The following WWTR1 variants were observed in gnomAD, a reference collection of about 807,000 sequenced individuals.
WWTR1 encodes WW domain-containing transcription regulator protein 1.
A neutral mutation model predicts 40.1 loss-of-function variants in WWTR1; 13 were observed. The ratio of observed to expected loss-of-function variants is 0.32; its 90% CI spans 0.21 to 0.52. The LOEUF (loss-of-function observed/expected upper bound fraction) is 0.52, where lower values mean the gene tolerates loss of function less well. Among genes scored for constraint, WWTR1 ranks in the 20% least tolerant of loss-of-function variants. The pLI is 0.97. For synonymous variants in WWTR1, 230 were observed against 210.1 expected (o/e 1.09, Z -0.82); for missense variants, 436 against 523.1 (o/e 0.83, Z 1.63).
intron 1 of WWTR1, among the ~76,000 whole-genome samples, chr3:149,683,109 C>T (rs1044243475): frequency 7.2e-5 from 11 of 152,194 alleles, no homozygotes; most frequent in Non-Finnish European, 1.0e-4. Context: ...GCAAAGAGTG[C>T]GACTGCCAAG....
chr3:149,634,716 T>A (rs1711724083), intron 2 of WWTR1, among the ~76,000 whole-genome samples: 1 of 152,186 alleles, frequency 6.6e-6, no homozygotes, highest in Admixed American at 6.5e-5. Context: ...CCTGTGGAGC[T>A]CCTGTTTGCA....
chr3:149,724,474 C>T (rs112005102), intron 3 of WWTR1, among the ~76,000 whole-genome samples: 5,120 of 147,874 alleles, frequency 0.035, 149 homozygotes, highest in African/African-American at 0.076. Context: ...ATTTTTATAC[C>T]GTCCACCCTA....
At chr3:149,621,446 G>A (rs1740265291) in intron 2 of WWTR1, among the ~76,000 whole-genome samples, 1 of 152,082 alleles carries the variant, frequency 6.6e-6, no homozygotes, top group African/African-American at 2.4e-5. Flanking sequence ...GGCCCCGAGA[G>A]CAAGAGACCG....
chr3:149,523,105 G>A (rs1735139576), intron 6 of WWTR1, among the ~76,000 whole-genome samples: 2 of 151,752 alleles, frequency 1.3e-5, no homozygotes, highest in South Asian at 2.1e-4. Flanking sequence ...TTTCTTCTCA[G>A]GATGGAAGGC....
intron 6 of WWTR1, among the ~76,000 whole-genome samples, chr3:149,522,153 A>G (rs1024160828): frequency 2.0e-5 from 3 of 152,242 alleles, no homozygotes; most frequent in African/African-American, 4.8e-5. Flanking sequence ...AACTAAGGCC[A>G]GCTTCCACCA....
chr3:149,723,185 CTTTTTTTTTT>C (rs35573546), intron 4 of WWTR1, among the ~76,000 whole-genome samples: 1 of 101,816 alleles, frequency 9.8e-6, no homozygotes, highest in South Asian at 3.2e-4. Flanking sequence ...CTTTTCTTTT[CTTTTTTTTTT>C]TTTTTTTTTT....
At chr3:149,708,371 A>C (rs1439654072) in intron 5 of WWTR1, among the ~76,000 whole-genome samples, 1 of 152,204 alleles carries the variant, frequency 6.6e-6, no homozygotes, top group Non-Finnish European at 1.5e-5. Context: ...TGTACAGTTC[A>C]GTAGTACTAA....
At chr3:149,536,568 T>C (rs1200200864) in intron 4 of WWTR1, among the ~76,000 whole-genome samples, 3 of 151,978 alleles carry the variant, frequency 2.0e-5, no homozygotes, top group Non-Finnish European at 4.4e-5. Context: ...AGGATGGCTG[T>C]GCGAGGTCAG....
At chr3:149,568,373 T>C (rs1485976437) in intron 3 of WWTR1, among the ~76,000 whole-genome samples, 1 of 151,590 alleles carries the variant, frequency 6.6e-6, no homozygotes, top group Non-Finnish European at 1.5e-5. Context: ...TCTTCTTCCA[T>C]TTATTGCATA....
intron 2 of WWTR1, 102 bp downstream of exon 2, chr3:149,656,754 ATCTCTCTCTTTCTCTCTCTC>A (rs763544341): frequency 3.6e-5 from 28 of 768,056 alleles, no homozygotes; most frequent in East Asian, 3.4e-4. Flanking sequence ...GACACGCACC[ATCTCTCTCTTTCTCTCTCTC>A]TCTCTCTCTC....
At chr3:149,553,594 G>A (rs530349768) in intron 3 of WWTR1, among the ~76,000 whole-genome samples, 2 of 152,204 alleles carry the variant, frequency 1.3e-5, no homozygotes, top group African/African-American at 2.4e-5. Flanking sequence ...GGGAAGGAGA[G>A]GTGCTGCCAT....
Position 149,572,924 on chromosome 3 carries a change from G to C in WWTR1, c.508C>G (p.Pro170Ala). ...GGCACTGGTGTGGAACTGACGGCAG[G>C]GTGGAGGTTCATATGATTCAGAGGC... is the stretch of plus-strand genomic sequence containing the variant. ...NQPLNHMNLH[P>A]AVSSTPVPQR... is the part of the protein sequence containing the mutation. The change falls in exon 3 of 7, where the codon CCT (proline) becomes GCT (alanine). Residue 170 changes from proline to alanine, a missense_variant. Physicochemically the swap from Pro to Ala is conservative, Grantham distance 27. Coordinates refer to ENST00000360632, the MANE Select transcript of WWTR1 (RefSeq NM_015472.6). 4 of 1,613,896 alleles carry C rather than the reference G, an allele frequency of 2.5e-6. No homozygotes were observed. The highest frequency in any genetic ancestry group is 2.2e-5 in the South Asian group (2 of 91,020).
intron 3 of WWTR1, among the ~76,000 whole-genome samples, chr3:149,566,584 A>G (rs928973655): frequency 6.6e-6 from 1 of 151,850 alleles, no homozygotes; most frequent in Admixed American, 6.6e-5. Context: ...ATGGAAAAAA[A>G]GGAAAACATA....
chr3:149,597,412 A>G (rs1228568784), intron 2 of WWTR1, among the ~76,000 whole-genome samples: 1 of 147,312 alleles, frequency 6.8e-6, no homozygotes, highest in Non-Finnish European at 1.5e-5. Flanking sequence ...CCTGGGCAAC[A>G]TGGTGAAACC....
intron 4 of WWTR1, among the ~76,000 whole-genome samples, chr3:149,719,922 T>C (rs1715716424): frequency 6.6e-6 from 1 of 152,248 alleles, no homozygotes; most frequent in African/African-American, 2.4e-5. Context: ...CTTGGAGAAG[T>C]ATCAAATATC....
intron 3 of WWTR1, among the ~76,000 whole-genome samples, chr3:149,553,365 T>C (rs1736693916): frequency 6.6e-6 from 1 of 152,192 alleles, no homozygotes; most frequent in South Asian, 2.1e-4. Context: ...TGTTTCCTTT[T>C]CCCTATTTCA....
chr3:149,582,710 G>C (rs1273007401), intron 2 of WWTR1, among the ~76,000 whole-genome samples: 1 of 151,914 alleles, frequency 6.6e-6, no homozygotes. Context: ...AGTGTGGGCG[G>C]CAGAGCAAAA....
intron 4 of WWTR1, 138 bp downstream of exon 4, chr3:149,542,197 A>T: frequency 9.9e-7 from 1 of 1,009,936 alleles, no homozygotes; most frequent in South Asian, 2.0e-5. Context: ...GATTTTAATC[A>T]AGAGGCTTGG....
chr3:149,710,885 C>T (rs1440547932), intron 5 of WWTR1, among the ~76,000 whole-genome samples: 1 of 151,772 alleles, frequency 6.6e-6, no homozygotes, highest in Non-Finnish European at 1.5e-5. Flanking sequence ...GGCACGTTAT[C>T]CCCTTTTAAC....
Sources: allele counts gnomAD v4.1 joint callset (sites outside exome capture counted in the v4.1 genomes callset), GRCh38; gene constraint gnomAD v4.1.1; transcripts MANE v1.5; gene names NCBI Gene and HGNC (gene_info 2026-07-23, HGNC 2026-07-21).